Variants in PLEKHG1 observed in about 807,000 individuals in gnomAD.
PLEKHG1 encodes the protein pleckstrin homology and RhoGEF domain containing G1, also known as pleckstrin homology domain-containing family G member 1.
Under a neutral mutation model 100.8 loss-of-function variants are expected in PLEKHG1, and 44 were observed. That is an observed-to-expected ratio of 0.44 (90% CI 0.34 to 0.56). PLEKHG1 has a LOEUF of 0.56. PLEKHG1 is among the 20% of genes least tolerant of loss of function. PLEKHG1 has a pLI of 0.01. For missense variants in PLEKHG1, 1,545 were observed against 1,720.9 expected (o/e 0.90, Z 1.81); for synonymous variants, 640 against 662.5 (o/e 0.97, Z 0.52).
At chr6:150,716,886 C>G (rs1781466201), upstream of PLEKHG1, among the ~76,000 whole-genome samples, 1 of 152,140 alleles carries the variant, frequency 6.6e-6, no homozygotes, top group South Asian at 2.1e-4. Flanking sequence ...GGCTCTTGCT[C>G]TGTCACCCAG....
chr6:150,808,958 T>C (rs1583172616), intron 7 of PLEKHG1, 147 bp from the exon 9 acceptor site: 3 of 625,210 alleles, frequency 4.8e-6, no homozygotes, highest in East Asian at 5.5e-5. Flanking sequence ...TGCAGATTTA[T>C]GTCATAGACC....
At chr6:150,715,452 A>C (rs1781389967) in intron 3 of PLEKHG1, among the ~76,000 whole-genome samples, 1 of 151,596 alleles carries the variant, frequency 6.6e-6, no homozygotes, top group Admixed American at 6.6e-5. Flanking sequence ...TTTGGCGTGC[A>C]ATTGACTTTA....
At chr6:150,823,298 A>G (rs1776408819) in intron 13 of PLEKHG1, among the ~76,000 whole-genome samples, 1 of 152,230 alleles carries the variant, frequency 6.6e-6, no homozygotes, top group Non-Finnish European at 1.5e-5. Flanking sequence ...AGCAGAAACA[A>G]TATCATCTTT....
intron 2 of PLEKHG1, among the ~76,000 whole-genome samples, chr6:150,746,758 A>G (rs1187073956): frequency 6.6e-6 from 1 of 152,272 alleles, no homozygotes; most frequent in African/African-American, 2.4e-5. Flanking sequence ...GTGAGTTTCT[A>G]ATGCTAAAAT....
At chr6:150,693,466 A>G (rs1408529339) in intron 3 of PLEKHG1, among the ~76,000 whole-genome samples, 1 of 152,142 alleles carries the variant, frequency 6.6e-6, no homozygotes, top group Non-Finnish European at 1.5e-5. Flanking sequence ...CCTTTGAATG[A>G]TCAGCCAGTG....
chr6:150,634,259 A>AAAAAAG lies in PLEKHG1; in HGVS notation c.-203-3818_-203-3817insAAGAAA, dbSNP rs1562397883. Among the ~76,000 whole-genome samples, 1,086 of 150,772 alleles carry AAAAAAG rather than the reference A, an allele frequency of 7.2e-3. 20 individuals carry two copies. Among genetic ancestry groups the AAAAAAG allele is most frequent in the African/African-American group, 0.025 (1,022 of 40,202 alleles). On this transcript the variant is annotated intron_variant, in intron 1 of 3. Transcript: ENST00000367326. Reference sequence around the variant, plus strand: ...AACTCGATCTCCCCCCCAAAAAAAAAAAAGAAAAAAAGAGGAAGAAGAAAA... The same window carrying AAAAAAG: ...AACTCGATCTCCCCCCCAAAAAAAAAAAAAAGAAAGAAAAAAAGAGGAAGAAGAAAA...
chr6:150,714,704 C>T (rs182027895), intron 3 of PLEKHG1, among the ~76,000 whole-genome samples: 41 of 152,160 alleles, frequency 2.7e-4, no homozygotes, highest in Middle Eastern at 6.8e-3. Flanking sequence ...AGTTTGGTTT[C>T]TATTGTTAGA....
At chr6:150,674,684 C>CCT (rs1210102843) in intron 3 of PLEKHG1, among the ~76,000 whole-genome samples, 2 of 73,394 alleles carry the variant, frequency 2.7e-5, no homozygotes, top group East Asian at 4.5e-4. Flanking sequence ...TCTCTCTCTC[C>CCT]CCCCTCTTCT....
exon 16 of PLEKHG1, chr6:150,841,136 G>C (rs1278498267): frequency 1.6e-6 from 1 of 642,300 alleles, no homozygotes; most frequent in East Asian, 2.9e-5. Flanking sequence ...CATGTTTCAT[G>C]TAAGTCAATC....
intron 3 of PLEKHG1, among the ~76,000 whole-genome samples, chr6:150,715,831 G>A (rs1373551502): frequency 2.7e-5 from 4 of 149,376 alleles, no homozygotes; most frequent in Admixed American, 2.6e-4. Context: ...GGCCGCGGCC[G>A]GGCGCGGTGG....
chr6:150,820,834 C>T (rs1378710739), intron 12 of PLEKHG1, among the ~76,000 whole-genome samples: 1 of 152,122 alleles, frequency 6.6e-6, no homozygotes, highest in East Asian at 1.9e-4. Flanking sequence ...CATTGCACTC[C>T]AACCTGGGAG....
intron 1 of PLEKHG1, among the ~76,000 whole-genome samples, chr6:150,616,736 C>G (rs192503987): frequency 1.4e-4 from 21 of 152,348 alleles, no homozygotes; most frequent in African/African-American, 4.3e-4. Flanking sequence ...ATCAATCTTT[C>G]ATGGTGACAT....
intron 3 of PLEKHG1, among the ~76,000 whole-genome samples, chr6:150,674,312 T>C (rs77980616): frequency 0.078 from 11,883 of 152,174 alleles, 546 homozygotes; most frequent in Non-Finnish European, 0.1. Context: ...TATTGTTAAC[T>C]CTAAAGTTAA....
chr6:150,752,701 TATAAAAAC>T (rs1378953517), intron 2 of PLEKHG1, among the ~76,000 whole-genome samples: 1 of 152,246 alleles, frequency 6.6e-6, no homozygotes, highest in African/African-American at 2.4e-5. Context: ...GATGACACTT[TATAAAAAC>T]AAAGAATCCT....
At chr6:150,616,460 G>A (rs1777076730) in intron 1 of PLEKHG1, among the ~76,000 whole-genome samples, 1 of 152,192 alleles carries the variant, frequency 6.6e-6, no homozygotes, top group African/African-American at 2.4e-5. Context: ...CTGCTCATGT[G>A]CCTTGCAAAG....
At chr6:150,613,355 C>A (rs539929658) in intron 1 of PLEKHG1, among the ~76,000 whole-genome samples, 2 of 152,306 alleles carry the variant, frequency 1.3e-5, no homozygotes, top group African/African-American at 4.8e-5. Flanking sequence ...GTATCAACAC[C>A]TAACCTAGGA....
At chr6:150,733,451 C>T in intron 1 of PLEKHG1, 133 bp from the exon 3 acceptor site, 2 of 687,458 alleles carry the variant, frequency 2.9e-6, no homozygotes, top group Non-Finnish European at 4.6e-6. Context: ...ACCACAGGTA[C>T]CTTTGCATCC....
chr6:150,702,612 G>A (rs1416644796), intron 3 of PLEKHG1, among the ~76,000 whole-genome samples: 2 of 139,254 alleles, frequency 1.4e-5, no homozygotes, highest in Non-Finnish European at 3.0e-5. Context: ...ATGTCATCCA[G>A]TACCCAAATT....
intron 1 of PLEKHG1, among the ~76,000 whole-genome samples, chr6:150,612,059 C>CGG (rs1554251538): frequency 1.3e-5 from 1 of 74,556 alleles, no homozygotes; most frequent in African/African-American, 5.2e-5. Flanking sequence ...CCCCCCCCCC[C>CGG]CTTTTCTAGT....
Sources: allele counts gnomAD v4.1 joint callset (sites outside exome capture counted in the v4.1 genomes callset), GRCh38; gene constraint gnomAD v4.1.1; transcripts MANE v1.5; gene names NCBI Gene and HGNC (gene_info 2026-07-23, HGNC 2026-07-21).